SLC2A6: variants seen among roughly 807,000 people sequenced by gnomAD.
SLC2A6 encodes the protein solute carrier family 2 member 6, also known as solute carrier family 2, facilitated glucose transporter member 6.
In SLC2A6, 39 loss-of-function variants were observed where a neutral mutation model predicts 47.8. That is an observed-to-expected ratio of 0.82 (90% CI 0.63 to 1.07). SLC2A6 has a LOEUF of 1.07. SLC2A6 is among the 50% of genes least tolerant of loss of function. The pLI is 0.00. For missense variants in SLC2A6, 650 were observed against 707.6 expected (o/e 0.92, Z 0.92); for synonymous variants, 346 against 324.1 (o/e 1.07, Z -0.73).
Position 133,474,584 on chromosome 9 carries a change from T to A in SLC2A6, c.927+377A>T, listed in dbSNP as rs587743302. On this transcript the variant is annotated intron_variant, in intron 6 of 9. Transcript: ENST00000371899. ...CATGTATTTTATTTAATTTTTAAAA[T>A]TTCTATATGTTTTTAGAGACAGGGT... Among the ~76,000 whole-genome samples the A allele has an allele frequency of 8.1e-4, 124 of 152,292 alleles. 2 individuals are homozygous for A. The highest frequency in any genetic ancestry group is 1.6e-3 in the Non-Finnish European group (112 of 68,018).
At chr9:133,475,161 A>G in intron 5 of SLC2A6, 48 bp from the exon 6 acceptor site, 7 of 1,483,494 alleles carry the variant, frequency 4.7e-6, no homozygotes, top group South Asian at 1.3e-5. Flanking sequence ...CCTCTCCAGC[A>G]GGCGCCATCC....
At chr9:133,474,163 G>A (rs1588242243) in intron 6 of SLC2A6, 75 bp from the exon 7 acceptor site, 9 of 1,252,442 alleles carry the variant, frequency 7.2e-6, no homozygotes, top group South Asian at 4.2e-5. Flanking sequence ...AGCTTGTCCC[G>A]GCAGGCATTG....
In SLC2A6 at chr9:133,472,031, A is replaced by G; in HGVS notation, c.1514T>C (p.Phe505Ser). The change falls in exon 10 of 10, where the codon TTC becomes TCC. Residue 505 changes from phenylalanine (F) to serine (S), a missense_variant. Phe to Ser is a radical substitution (Grantham distance 155). Transcript: ENST00000371899. ...GGCGGGGACCTTGACCTAGCGCAAG[A>G]AGGACCTTCTCCCCGTGCGGAAGAA... ...ESFFRTGRRS[F>S]LR 6.2e-7 allele frequency: 1 copy of G among 1,612,678 alleles called. No homozygotes were observed. Among genetic ancestry groups the G allele is most frequent in the Non-Finnish European group, 8.5e-7 (1 of 1,179,490 alleles).
At position 133,473,472 on chromosome 9, in the gene SLC2A6, C is replaced by G; in HGVS notation, c.1165G>C (p.Ala389Pro). 1 of 1,604,592 alleles carries G rather than the reference C, an allele frequency of 6.2e-7. No homozygotes were observed. Among genetic ancestry groups the G allele is most frequent in the Non-Finnish European group, 8.5e-7 (1 of 1,176,956 alleles). Residue 389 changes from alanine (A) to proline (P), a missense_variant, in exon 8 of 10, where the codon GCA becomes CCA. Coordinates refer to ENST00000371899, the MANE Select transcript of SLC2A6 (RefSeq NM_017585.4). ...SWGDLAQPLA[A>P]PAGYLTLVPL... Reference sequence around the variant, plus strand: ...ACCAGGGTGAGGTAGCCAGCGGGTGCTGCCAGGGGCTGCGCCAAGTCCCCC... The same window carrying G: ...ACCAGGGTGAGGTAGCCAGCGGGTGGTGCCAGGGGCTGCGCCAAGTCCCCC...
chr9:133,471,949 G>C lies in SLC2A6; in HGVS notation c.*72C>G. 2 of 1,527,470 alleles carry C rather than the reference G, an allele frequency of 1.3e-6. No individual in the cohort carries two copies. Among genetic ancestry groups the C allele is most frequent in the Admixed American group, 3.8e-5 (2 of 53,186 alleles). 94.6% of individuals were successfully genotyped at this position (1,527,470 alleles called of 1,614,324 possible). A position where few individuals can be genotyped will look rare whatever the true frequency, so the allele number is the denominator to read the frequency against. ...GGATGACTGCTGCCTCTTGGTCCCA[G>C]GGTGCAGGTTTGTAGCCAACACAGA... On this transcript the variant is annotated 3_prime_UTR_variant, in exon 10 of 10. Coordinates refer to ENST00000371899, the MANE Select transcript of SLC2A6 (RefSeq NM_017585.4).
chr9:133,473,669 C>T (rs1843824351), intron 7 of SLC2A6, 69 bp from the exon 8 acceptor site: 6 of 1,407,466 alleles, frequency 4.3e-6, no homozygotes, highest in East Asian at 2.5e-5. Context: ...AGAGCTCCTT[C>T]TGCAGAGCCC....
Position 133,474,028 on chromosome 9 carries a change from C to T in SLC2A6, c.988G>A (p.Ala330Thr), listed in dbSNP as rs782337904. Residue 330 changes from alanine to threonine, a missense_variant, in exon 7 of 10, where the codon GCC becomes ACC. Transcript: ENST00000371899. ...AVRLLSVLIA[A>T]LTMDLAGRKV... Reference sequence around the variant, plus strand: ...CGGCCTGCGAGGTCCATGGTGAGGGCGGCGATCAGCACGGACAGGAGCCGC... The same window carrying T: ...CGGCCTGCGAGGTCCATGGTGAGGGTGGCGATCAGCACGGACAGGAGCCGC... 3.7e-5 allele frequency: 59 copies of T among 1,610,782 alleles called. No homozygotes were observed. In the South Asian group the frequency reaches 5.0e-4, roughly 14 times the overall value.
At chr9:133,474,733 A>G (rs978087345) in intron 6 of SLC2A6, among the ~76,000 whole-genome samples, 6 of 152,176 alleles carry the variant, frequency 3.9e-5, no homozygotes, top group African/African-American at 1.4e-4. Context: ...TTTTATTTTA[A>G]AACACTTAAG....
chr9:133,473,901 C>G (rs1186793212), intron 7 of SLC2A6, 79 bp downstream of exon 7: 7 of 1,158,058 alleles, frequency 6.0e-6, no homozygotes, highest in Non-Finnish European at 6.1e-6. Flanking sequence ...AGCCCCACCC[C>G]GAGGCAGGCC....
At chr9:133,473,917 ACCCAG>A in intron 7 of SLC2A6, 58 bp downstream of exon 7, 1 of 1,307,338 alleles carries the variant, frequency 7.6e-7, no homozygotes. Flanking sequence ...AGGCCTGCAC[ACCCAG>A]CCCAGCCCTG....
At position 133,478,271 on chromosome 9, in the gene SLC2A6, G is replaced by A. The variant is rs1246194823; in HGVS notation, c.238C>T (p.Gln80Ter). Reference sequence around the variant, plus strand: ...GTCCTTACCCCAAACCAGGATGCCTGGGATTTGGTCAGATGCAGGTCAGGA... The same window carrying A: ...GTCCTTACCCCAAACCAGGATGCCTAGGATTTGGTCAGATGCAGGTCAGGA... ...LDPDLHLTKS[Q>*]ASWFGSVFTL... Residue 80 changes from glutamine (Q) to a stop codon, truncating the protein, a stop_gained, in exon 2 of 10, where the codon CAG (glutamine) becomes TAG (stop). Transcript: ENST00000371899. LOFTEE classifies it high-confidence loss of function. The A allele has an allele frequency of 6.2e-7, 1 of 1,614,016 alleles. No individual in the cohort carries two copies. The highest frequency in any genetic ancestry group is 8.5e-7 in the Non-Finnish European group (1 of 1,179,980).
intron 5 of SLC2A6, 110 bp downstream of exon 5, chr9:133,475,290 G>T: frequency 7.3e-7 from 1 of 1,371,076 alleles, no homozygotes; most frequent in Non-Finnish European, 9.7e-7. Flanking sequence ...CAGGCACTTG[G>T]ATTAGTGGGA....
At position 133,473,155 on chromosome 9, in the gene SLC2A6, C is replaced by A. The variant is rs1554802140; in HGVS notation, c.1318G>T (p.Ala440Ser). 1 of 1,611,248 alleles carries A rather than the reference C, an allele frequency of 6.2e-7. No homozygotes were observed. The highest frequency in any genetic ancestry group is 2.2e-5 in the East Asian group (1 of 44,782). ...AGGACGAAGGCGGTGAGCCAGCTGG[C>A]CAGCACGCAGAGCCCTGAGGCCACG... ...RGVASGLCVLASWLTAFVLTK... is the reference protein window; with the variant it reads ...RGVASGLCVLSSWLTAFVLTK... Residue 440 changes from alanine (A) to serine (S), a missense_variant, in exon 9 of 10, where the codon GCC (alanine) becomes TCC (serine). Ala to Ser is a moderately conservative substitution (Grantham distance 99). Transcript: ENST00000371899.
chr9:133,475,314 T>C (rs28393320), intron 5 of SLC2A6, 86 bp downstream of exon 5: 64,105 of 1,435,158 alleles, frequency 0.045, 1,652 homozygotes, highest in Non-Finnish European at 0.052. Context: ...ACTGTGGTCC[T>C]GTCTTCCAGG....
chr9:133,473,662 G>A (rs781788585), intron 7 of SLC2A6, 62 bp from the exon 8 acceptor site: 1 of 1,432,754 alleles, frequency 7.0e-7, no homozygotes, highest in Non-Finnish European at 9.3e-7. Context: ...TTCTCTCAGA[G>A]CTCCTTCTGC....
At chr9:133,475,310 G>A (rs1843899738) in intron 5 of SLC2A6, 90 bp downstream of exon 5, 1 of 1,420,984 alleles carries the variant, frequency 7.0e-7, no homozygotes, top group Non-Finnish European at 9.3e-7. Context: ...AACTACTGTG[G>A]TCCTGTCTTC....
Position 133,478,346 on chromosome 9 carries a change from C to T in SLC2A6, c.163G>A (p.Ala55Thr). The T allele has an allele frequency of 6.2e-7, 1 of 1,614,170 alleles. No homozygotes were observed. Among genetic ancestry groups the T allele is most frequent in the Non-Finnish European group, 8.5e-7 (1 of 1,180,028 alleles). The change falls in exon 2 of 10, where the codon GCC becomes ACC. Residue 55 changes from alanine to threonine, a missense_variant. Physicochemically the swap from Ala to Thr is moderately conservative, Grantham distance 58. Coordinates refer to ENST00000371899, the MANE Select transcript of SLC2A6 (RefSeq NM_017585.4). ...ATGACAGGGGATGTGTAGACCAGGGCATACCCAAAGCTGAAATTGCCGAGC... is the reference window on the plus strand; with the variant it reads ...ATGACAGGGGATGTGTAGACCAGGGTATACCCAAAGCTGAAATTGCCGAGC... ...AVLGNFSFGY[A>T]LVYTSPVIPA...
At chr9:133,476,901 C>A (rs1397385546) in intron 3 of SLC2A6, 134 bp downstream of exon 3, 26 of 1,010,794 alleles carry the variant, frequency 2.6e-5, no homozygotes, top group Non-Finnish European at 3.8e-5. Flanking sequence ...AGCTGAGGCG[C>A]CCTGGGCATC....
chr9:133,478,891 G>C, intron 1 of SLC2A6, 77 bp downstream of exon 1: 3 of 1,354,878 alleles, frequency 2.2e-6, no homozygotes, highest in South Asian at 2.6e-5. Flanking sequence ...GGCCCAGGGC[G>C]GGAGCCTGCC....
Sources: allele counts gnomAD v4.1 joint callset (sites outside exome capture counted in the v4.1 genomes callset), GRCh38; gene constraint gnomAD v4.1.1; transcripts MANE v1.5; gene names NCBI Gene and HGNC (gene_info 2026-07-23, HGNC 2026-07-21).